The following NCAM2 variants were observed in gnomAD, a reference collection of about 807,000 sequenced individuals.
NCAM2 encodes N-CAM-2.
Under a neutral mutation model 98.1 loss-of-function variants are expected in NCAM2, and 30 were observed. That is an observed-to-expected ratio of 0.31 (90% CI 0.23 to 0.41). The LOEUF (loss-of-function observed/expected upper bound fraction) is 0.41, where lower values mean the gene tolerates loss of function less well. Ranked by LOEUF, NCAM2 falls within the 10% of genes least tolerant of loss-of-function variation. NCAM2 has a pLI of 1.00. For synonymous variants in NCAM2, 368 were observed against 342.4 expected, an observed-to-expected ratio of 1.07 and a Z score of -0.83; for missense variants, 867 against 1,005.8, an observed-to-expected ratio of 0.86 and a Z score of 1.87.
At chr21:21,313,005 T>G (rs1005924566) in intron 5 of NCAM2, among the ~76,000 whole-genome samples, 4 of 151,898 alleles carry the variant, frequency 2.6e-5, no homozygotes, top group Admixed American at 6.6e-5. Context: ...ATTGATAAGT[T>G]TGTGTGCATA....
chr21:21,451,401 G>A (rs1196782374), intron 12 of NCAM2, among the ~76,000 whole-genome samples: 1 of 152,150 alleles, frequency 6.6e-6, no homozygotes. Context: ...ATGTTATGTA[G>A]TTAGCTGTTC....
chr21:21,140,347 G>A (rs1334968484), intron 1 of NCAM2, among the ~76,000 whole-genome samples: 1 of 152,060 alleles, frequency 6.6e-6, no homozygotes, highest in Non-Finnish European at 1.5e-5. Flanking sequence ...GTTGGCTAGA[G>A]CATCTGAAAA....
At chr21:21,350,080 T>C (rs1337101757) in intron 8 of NCAM2, among the ~76,000 whole-genome samples, 1 of 152,188 alleles carries the variant, frequency 6.6e-6, no homozygotes, top group African/African-American at 2.4e-5. Context: ...AATTGGATTG[T>C]GACTCAAAGG....
At chr21:21,088,870 G>T (rs566893258) in intron 1 of NCAM2, among the ~76,000 whole-genome samples, 2 of 152,144 alleles carry the variant, frequency 1.3e-5, no homozygotes, top group South Asian at 4.1e-4. Flanking sequence ...TACTCGGGAG[G>T]CTGAGGCAGG....
intron 1 of NCAM2, among the ~76,000 whole-genome samples, chr21:21,183,815 T>C (rs1265961818): frequency 6.6e-6 from 1 of 151,920 alleles, no homozygotes; most frequent in African/African-American, 2.4e-5. Flanking sequence ...AGACTAAGTG[T>C]CACTCCAATT....
At chr21:21,056,611 G>A (rs562907617) in intron 1 of NCAM2, among the ~76,000 whole-genome samples, 2 of 150,240 alleles carry the variant, frequency 1.3e-5, no homozygotes, top group South Asian at 4.3e-4. Flanking sequence ...TCACAAAGAC[G>A]ATTACTTCTC....
chr21:21,123,654 A>G (rs2066724018), intron 1 of NCAM2, among the ~76,000 whole-genome samples: 1 of 152,046 alleles, frequency 6.6e-6, no homozygotes, highest in South Asian at 2.1e-4. Flanking sequence ...GCGCATTGCA[A>G]TTAATATATT....
chr21:21,134,335 G>A (rs1308650590), intron 1 of NCAM2, among the ~76,000 whole-genome samples: 1 of 152,070 alleles, frequency 6.6e-6, no homozygotes, highest in African/African-American at 2.4e-5. Flanking sequence ...CTCCCAAAGT[G>A]CTGGGTCTAC....
At chr21:21,094,690 T>A (rs1303748215) in intron 1 of NCAM2, among the ~76,000 whole-genome samples, 1 of 151,744 alleles carries the variant, frequency 6.6e-6, no homozygotes, top group African/African-American at 2.4e-5. Flanking sequence ...ACTGTAAAAA[T>A]CATGTATATT....
chr21:21,054,684 G>A (rs1200105613), intron 1 of NCAM2, among the ~76,000 whole-genome samples: 1 of 151,978 alleles, frequency 6.6e-6, no homozygotes, highest in Non-Finnish European at 1.5e-5. Flanking sequence ...TGAATTAAAA[G>A]TTTGACATAA....
intron 1 of NCAM2, among the ~76,000 whole-genome samples, chr21:21,020,907 G>T (rs996137578): frequency 6.6e-6 from 1 of 152,138 alleles, no homozygotes; most frequent in Non-Finnish European, 1.5e-5. Context: ...TCATTCTAGA[G>T]TACCGTCCAT....
At chr21:21,279,595 G>A (rs1683914036) in intron 1 of NCAM2, among the ~76,000 whole-genome samples, 1 of 152,168 alleles carries the variant, frequency 6.6e-6, no homozygotes, top group African/African-American at 2.4e-5. Context: ...CTGACCTTGT[G>A]ATCTGCCGGC....
chr21:21,037,662 A>G (rs897628887), intron 1 of NCAM2, among the ~76,000 whole-genome samples: 1 of 152,202 alleles, frequency 6.6e-6, no homozygotes, highest in African/African-American at 2.4e-5. Flanking sequence ...CAGGATTACC[A>G]TAAACCAAAG....
At chr21:21,007,137 T>C (rs1408098898) in intron 1 of NCAM2, among the ~76,000 whole-genome samples, 1 of 152,170 alleles carries the variant, frequency 6.6e-6, no homozygotes, top group African/African-American at 2.4e-5. Context: ...TCTTTACTTG[T>C]AAAATCAGCC....
At chr21:21,235,625 A>G (rs2147207722) in intron 1 of NCAM2, among the ~76,000 whole-genome samples, 1 of 152,184 alleles carries the variant, frequency 6.6e-6, no homozygotes, top group East Asian at 1.9e-4. Context: ...TGAAATAAAA[A>G]TTTCAATTTG....
intron 6 of NCAM2, among the ~76,000 whole-genome samples, chr21:21,326,118 C>G (rs766123978): frequency 6.6e-6 from 1 of 152,122 alleles, no homozygotes; most frequent in African/African-American, 2.4e-5. Context: ...CCTGTGAATT[C>G]GTCCTGACGT....
intron 12 of NCAM2, among the ~76,000 whole-genome samples, chr21:21,432,828 T>C (rs971064132): frequency 1.3e-5 from 2 of 152,166 alleles, no homozygotes; most frequent in African/African-American, 4.8e-5. Flanking sequence ...CTTATGAAAA[T>C]GTAGTTTGTT....
intron 1 of NCAM2, among the ~76,000 whole-genome samples, chr21:21,236,056 A>T (rs943454913): frequency 6.6e-6 from 1 of 152,034 alleles, no homozygotes; most frequent in Non-Finnish European, 1.5e-5. Context: ...ATGACCAGGG[A>T]CATAAATACC....
chr21:21,160,974 A>C lies in NCAM2; in HGVS notation c.56-119604A>C, dbSNP rs186315033. Among the ~76,000 whole-genome samples, 8 of 152,196 alleles carry C rather than the reference A, an allele frequency of 5.3e-5. No individual in the cohort carries two copies. The East Asian group carries it at 1.5e-3, about 29-fold the overall frequency. Reference sequence around the variant, plus strand: ...CTAAATTATTGAGTTCAAATATTTCAGTATACGTAAGATCACTCCATACTG... The same window carrying C: ...CTAAATTATTGAGTTCAAATATTTCCGTATACGTAAGATCACTCCATACTG... On this transcript the variant is annotated intron_variant, in intron 1 of 17. Transcript: ENST00000400546.
Sources: gnomAD v4.1 joint callset for allele counts (sites outside exome capture counted in the v4.1 genomes callset) on GRCh38, gnomAD v4.1.1 for gene constraint, MANE v1.5 for transcripts, NCBI Gene and HGNC (gene_info 2026-07-23, HGNC 2026-07-21) for gene names.